Variants in SRGAP2C observed in about 807,000 individuals in gnomAD.
SRGAP2C encodes SLIT-ROBO Rho GTPase activating protein 2C.
In SRGAP2C, 15 loss-of-function variants were observed where a neutral mutation model predicts 25.1. The ratio of observed to expected loss-of-function variants is 0.60; its 90% CI spans 0.40 to 0.92. SRGAP2C has a LOEUF of 0.92. Among genes scored for constraint, SRGAP2C ranks in the 40% least tolerant of loss-of-function variants. The probability of loss-of-function intolerance (pLI) is 0.00; values close to 1 mark genes in which losing one functional copy is unlikely to be tolerated. For synonymous variants in SRGAP2C, 44 were observed against 96.6 expected (o/e 0.46, Z 3.19); for missense variants, 144 against 264.4 (o/e 0.54, Z 3.16).
At chr1:121,239,228 ACTATATATATATATATAC>A (rs1656053200) in intron 2 of SRGAP2C, among the ~76,000 whole-genome samples, 1 of 2,086 alleles carries the variant, frequency 4.8e-4, no homozygotes, top group Non-Finnish European at 6.7e-4. Context: ...ATATATATAT[ACTATATATATATATATAC>A]TATATATATA....
chr1:121,304,240 A>C (rs1185646849), intron 3 of SRGAP2C, among the ~76,000 whole-genome samples: 2 of 127,236 alleles, frequency 1.6e-5, no homozygotes, highest in Non-Finnish European at 3.3e-5. Context: ...AAGAATTACT[A>C]ACCCATGCCT....
At chr1:121,191,673 G>A (rs868951123) in intron 2 of SRGAP2C, among the ~76,000 whole-genome samples, 18 of 152,074 alleles carry the variant, frequency 1.2e-4, no homozygotes, top group African/African-American at 4.1e-4. Context: ...GTATTTGGGT[G>A]AATACACATG....
chr1:121,213,715 C>T (rs587598915), intron 2 of SRGAP2C, among the ~76,000 whole-genome samples: 1 of 74,530 alleles, frequency 1.3e-5, no homozygotes, highest in South Asian at 3.3e-4. Context: ...CAGTAAGTTA[C>T]GTTTACATAG....
Position 121,365,433 on chromosome 1 carries a change from G to A in SRGAP2C, c.486+78G>A. 4.2e-6 allele frequency: 2 copies of A among 472,582 alleles called. 1 individual carries two copies. Among genetic ancestry groups the A allele is most frequent in the South Asian group, 3.8e-5 (2 of 52,406 alleles). The allele number at this position is 472,582 out of a possible 1,614,324, so 29.3% of individuals were successfully genotyped here. On this transcript the variant is annotated intron_variant, in intron 5 of 9. Coordinates refer to ENST00000367123, the MANE Select transcript of SRGAP2C (RefSeq NM_001329984.2). Reference sequence around the variant, plus strand: ...GGCAGCTTGCAGCCATAGTACATCAGCAACAGAACTGAACTGAGGTTGAAG... The same window carrying A: ...GGCAGCTTGCAGCCATAGTACATCAACAACAGAACTGAACTGAGGTTGAAG...
At chr1:121,262,946 A>T (rs587617290) in intron 2 of SRGAP2C, among the ~76,000 whole-genome samples, 5 of 150,650 alleles carry the variant, frequency 3.3e-5, no homozygotes, top group South Asian at 2.1e-4. Context: ...ATGTCAAAAA[A>T]TTTTTTAAAT....
At chr1:121,377,263 C>CG (rs1278154837) in intron 7 of SRGAP2C, among the ~76,000 whole-genome samples, 2 of 50,434 alleles carry the variant, frequency 4.0e-5, no homozygotes, top group Non-Finnish European at 6.9e-5. Context: ...TCTCATGTTT[C>CG]TTTTTTTTTT....
At chr1:121,303,821 C>T (rs2101587819) in intron 3 of SRGAP2C, among the ~76,000 whole-genome samples, 1 of 152,112 alleles carries the variant, frequency 6.6e-6, no homozygotes, top group South Asian at 2.1e-4. Flanking sequence ...TTCCTGTTCT[C>T]TGAACAGTGA....
At chr1:121,308,229 C>T (rs1360149300) in intron 3 of SRGAP2C, among the ~76,000 whole-genome samples, 6 of 137,458 alleles carry the variant, frequency 4.4e-5, no homozygotes, top group Non-Finnish European at 9.5e-5. Flanking sequence ...TTGCCCTGCT[C>T]CACCACTGTC....
chr1:121,286,305 A>G (rs1246378663), intron 3 of SRGAP2C, among the ~76,000 whole-genome samples: 2 of 137,934 alleles, frequency 1.4e-5, no homozygotes, highest in Non-Finnish European at 3.1e-5. Flanking sequence ...GAAGTACAAT[A>G]GCGTGATCTT....
intron 2 of SRGAP2C, among the ~76,000 whole-genome samples, chr1:121,235,114 C>T (rs1279841612): frequency 2.9e-4 from 42 of 146,450 alleles, no homozygotes; most frequent in Non-Finnish European, 4.5e-4. Context: ...CTCCGCCTCC[C>T]GGGTTCACGC....
At chr1:121,268,692 T>C (rs1656867248) in intron 2 of SRGAP2C, among the ~76,000 whole-genome samples, 1 of 123,090 alleles carries the variant, frequency 8.1e-6, no homozygotes, top group East Asian at 2.5e-4. Flanking sequence ...ACTCTGAAGA[T>C]TTGTGGCCTG....
At chr1:121,232,703 A>T (rs1408963301) in intron 2 of SRGAP2C, among the ~76,000 whole-genome samples, 13 of 152,196 alleles carry the variant, frequency 8.5e-5, no homozygotes, top group African/African-American at 2.4e-5. Context: ...TACTCTGAGG[A>T]TGCTGACTTC....
chr1:121,324,519 T>G lies in SRGAP2C; in HGVS notation c.302T>G (p.Leu101Arg). 6.2e-7 allele frequency: 1 copy of G among 1,613,358 alleles called. No homozygotes were observed. Among genetic ancestry groups the G allele is most frequent in the Admixed American group, 1.7e-5 (1 of 59,990 alleles). The change falls in exon 4 of 10, where the codon CTC (leucine) becomes CGC (arginine). Residue 101 changes from leucine (L) to arginine (R), a missense_variant. Around this residue, in one of 5 missense-constraint regions of SRGAP2C, gnomAD observed 61 missense variants for 61.7 expected, o/e 0.99. Transcript: ENST00000367123. Reference sequence around the variant, plus strand: ...CTCTCTCCAGTCAACTGCTGGAATCTCCTCTTAAACCAGGTGAAGTGGGAA... The same window carrying G: ...CTCTCTCCAGTCAACTGCTGGAATCGCCTCTTAAACCAGGTGAAGTGGGAA... ...NVLSPVNCWN[L>R]LLNQVKWESR...
At chr1:121,210,290 C>A (rs1413297002) in intron 2 of SRGAP2C, among the ~76,000 whole-genome samples, 2 of 147,524 alleles carry the variant, frequency 1.4e-5, no homozygotes, top group African/African-American at 5.1e-5. Context: ...ATGCTGGTTC[C>A]CTAGCAGGGT....
intron 2 of SRGAP2C, among the ~76,000 whole-genome samples, chr1:121,198,895 C>T (rs1218372474): frequency 6.6e-6 from 1 of 151,856 alleles, no homozygotes; most frequent in Non-Finnish European, 1.5e-5. Context: ...AGGCAGAAAG[C>T]TTGGGTTCTA....
chr1:121,236,148 T>C (rs1402474620), intron 2 of SRGAP2C, among the ~76,000 whole-genome samples: 1 of 150,858 alleles, frequency 6.6e-6, no homozygotes, highest in Non-Finnish European at 1.5e-5. Context: ...GGGTCTTGAT[T>C]CCTTTTAGTA....
chr1:121,228,320 CTAAT>C (rs1655732225), intron 2 of SRGAP2C, among the ~76,000 whole-genome samples: 2 of 150,700 alleles, frequency 1.3e-5, no homozygotes, highest in Non-Finnish European at 2.9e-5. Context: ...TGTTACGATC[CTAAT>C]TAAAGTTCAG....
At chr1:121,282,681 A>C (rs1657275446) in intron 2 of SRGAP2C, among the ~76,000 whole-genome samples, 1 of 151,188 alleles carries the variant, frequency 6.6e-6, no homozygotes, top group African/African-American at 2.4e-5. Context: ...CAGCCTCCCC[A>C]GTAGCTGGGA....
chr1:121,287,834 C>T (rs1221805044), intron 3 of SRGAP2C, among the ~76,000 whole-genome samples: 3 of 151,976 alleles, frequency 2.0e-5, no homozygotes, highest in South Asian at 2.1e-4. Flanking sequence ...CAGACCTTCA[C>T]GGTGAGTGTT....
Sources: gnomAD v4.1 joint callset for allele counts (sites outside exome capture counted in the v4.1 genomes callset) on GRCh38, gnomAD v4.1.1 for gene constraint, gnomAD v4.1.1 regional missense constraint, MANE v1.5 for transcripts, NCBI Gene and HGNC (gene_info 2026-07-23, HGNC 2026-07-21) for gene names.